The following ABR variants were observed in gnomAD, a reference collection of about 807,000 sequenced individuals.
ABR encodes active breakpoint cluster region-related protein.
A neutral mutation model predicts 107.2 loss-of-function variants in ABR; 35 were observed. The ratio of observed to expected loss-of-function variants is 0.33; its 90% confidence interval spans 0.25 to 0.43. The LOEUF is 0.43. Among genes scored for constraint, ABR ranks in the 20% least tolerant of loss-of-function variants. ABR has a pLI of 1.00. For synonymous variants in ABR, 498 were observed against 462.0 expected (o/e 1.08, Z -1.00); for missense variants, 815 against 1,115.2 (o/e 0.73, Z 3.83).
At chr17:1,183,475 A>G (rs2150662574), upstream of ABR, among the ~76,000 whole-genome samples, 1 of 152,134 alleles carries the variant, frequency 6.6e-6, no homozygotes, top group African/African-American at 2.4e-5. Flanking sequence ...GGTACATCCC[A>G]TTTTCAAGGC....
At position 1,214,849 on chromosome 17, in the gene ABR, T is replaced by A. The variant is rs559192865; in HGVS notation, c.838+13944A>T. Reference sequence around the variant, plus strand: ...GATTGTACATAGTTTTTCCCTGTAATGTGGCAGCTATCTCGGTGTATATAA... The same window carrying A: ...GATTGTACATAGTTTTTCCCTGTAAAGTGGCAGCTATCTCGGTGTATATAA... On this transcript the variant is annotated intron_variant, in intron 1 of 22. Coordinates refer to the ABR transcript ENST00000574139. Among the ~76,000 whole-genome samples the A allele has an allele frequency of 2.6e-5, 4 of 152,052 alleles. No individual in the cohort carries two copies. In the East Asian group the frequency reaches 5.8e-4, roughly 22 times the overall value.
intron 16 of ABR, among the ~76,000 whole-genome samples, chr17:1,017,087 G>C (rs1345983607): frequency 5.3e-5 from 8 of 152,060 alleles, no homozygotes; most frequent in African/African-American, 1.7e-4. Context: ...GGAGACAGAA[G>C]TTGGGTGTGT....
chr17:1,179,535 G>T lies in ABR; in HGVS notation c.61+132C>A. The T allele has an allele frequency of 2.1e-6, 2 of 940,918 alleles. No individual in the cohort carries two copies. The highest frequency in any genetic ancestry group is 2.9e-6 in the Non-Finnish European group (2 of 698,878). The allele number at this position is 940,918 out of a possible 1,614,324, so 58.3% of individuals were successfully genotyped here. A position where few individuals can be genotyped will look rare whatever the true frequency, so the allele number is the denominator to read the frequency against. The stretch of plus-strand genomic sequence containing the variant: ...GGACCCCGATCTCGCCCCCGCCCGC[G>T]CTCCCCGGACCAGCCCGGTGCCTGG... On this transcript the variant is annotated intron_variant, in intron 1 of 22. Transcript: ENST00000302538. The surrounding 1 kb of genome is among the most constrained non-coding windows in gnomAD (Gnocchi z 4.9).
chr17:1,025,114 C>T (rs1314886769), intron 16 of ABR, among the ~76,000 whole-genome samples: 4 of 34,112 alleles, frequency 1.2e-4, no homozygotes, highest in Admixed American at 4.8e-4. Flanking sequence ...AGCGAGACTC[C>T]GTCTCAAAAA....
chr17:1,135,069 G>T (rs1374942511), intron 1 of ABR, among the ~76,000 whole-genome samples: 1 of 152,226 alleles, frequency 6.6e-6, no homozygotes. Flanking sequence ...TGCCAGGCGG[G>T]TGGGGGACAG....
At chr17:1,193,304 C>G (rs543104884) in intron 1 of ABR, among the ~76,000 whole-genome samples, 7 of 150,292 alleles carry the variant, frequency 4.7e-5, no homozygotes, top group Non-Finnish European at 8.9e-5. Context: ...ATTCAGGACT[C>G]CCCCGCTCTC....
At chr17:1,098,317 T>C (rs2151327447) in intron 3 of ABR, among the ~76,000 whole-genome samples, 1 of 152,066 alleles carries the variant, frequency 6.6e-6, no homozygotes, top group Admixed American at 6.5e-5. Context: ...GACCTTGTGA[T>C]CCGCCCACCT....
intron 1 of ABR, among the ~76,000 whole-genome samples, chr17:1,130,686 A>C (rs2039786493): frequency 6.6e-6 from 1 of 152,192 alleles, no homozygotes; most frequent in Non-Finnish European, 1.5e-5. Context: ...GTAGATGTGA[A>C]TAAATGAAGG....
At chr17:1,182,469 G>A (rs1220643385), upstream of ABR, among the ~76,000 whole-genome samples, 3 of 152,166 alleles carry the variant, frequency 2.0e-5, no homozygotes, top group Non-Finnish European at 2.9e-5. Flanking sequence ...CCGGGTTCAC[G>A]CCATTCTCTT....
At chr17:1,162,626 G>A (rs2041347934) in intron 1 of ABR, among the ~76,000 whole-genome samples, 1 of 152,196 alleles carries the variant, frequency 6.6e-6, no homozygotes, top group African/African-American at 2.4e-5. Flanking sequence ...CCTGAGTGTG[G>A]CATCTGCTTC....
chr17:1,041,297 G>A (rs142842675), intron 16 of ABR, among the ~76,000 whole-genome samples: 180 of 152,318 alleles, frequency 1.2e-3, no homozygotes, highest in African/African-American at 4.0e-3. Flanking sequence ...GCCATTCAGA[G>A]GATGTATCGT....
chr17:1,047,986 G>GC (rs1567647907), intron 16 of ABR, among the ~76,000 whole-genome samples: 1 of 152,224 alleles, frequency 6.6e-6, no homozygotes, highest in Non-Finnish European at 1.5e-5. Flanking sequence ...GCCACCAGTG[G>GC]CCCAGGGAGT....
chr17:1,218,179 G>C (rs2043050473), intron 1 of ABR, among the ~76,000 whole-genome samples: 1 of 152,100 alleles, frequency 6.6e-6, no homozygotes, highest in African/African-American at 2.4e-5. Context: ...TTTAACCTTT[G>C]CAACACCAAG....
At chr17:1,172,941 A>G (rs546788497) in intron 1 of ABR, among the ~76,000 whole-genome samples, 4 of 100,070 alleles carry the variant, frequency 4.0e-5, no homozygotes, top group African/African-American at 1.1e-4. Context: ...AGAACAGAGC[A>G]GGTAATCCAC....
At chr17:1,028,059 C>T (rs917701743) in intron 16 of ABR, among the ~76,000 whole-genome samples, 11 of 152,028 alleles carry the variant, frequency 7.2e-5, no homozygotes, top group South Asian at 2.1e-4. Context: ...GGTTGTCCTG[C>T]GGTGGCGATC....
intron 21 of ABR, among the ~76,000 whole-genome samples, chr17:1,007,729 A>C (rs2070171138): frequency 6.6e-6 from 1 of 152,252 alleles, no homozygotes; most frequent in Non-Finnish European, 1.5e-5. Context: ...AGAGGGGTTA[A>C]GTGACTTGCC....
At chr17:1,164,271 G>T (rs2041415764) in intron 1 of ABR, among the ~76,000 whole-genome samples, 1 of 151,174 alleles carries the variant, frequency 6.6e-6, no homozygotes, top group African/African-American at 2.5e-5. Flanking sequence ...CTGGCAAAGT[G>T]TCACACACAG....
chr17:1,104,692 G>C (rs996747122), intron 2 of ABR, among the ~76,000 whole-genome samples: 5 of 152,220 alleles, frequency 3.3e-5, no homozygotes, highest in Non-Finnish European at 5.9e-5. Context: ...TAGAGGCATC[G>C]AGAGACCCTC....
intron 1 of ABR, among the ~76,000 whole-genome samples, chr17:1,207,665 A>AG (rs1455980933): frequency 6.6e-5 from 10 of 151,502 alleles, no homozygotes; most frequent in East Asian, 3.9e-4. Flanking sequence ...AAAAAAAAAA[A>AG]AGAGAAGTGG....
Sources: gnomAD v4.1 joint callset for allele counts (sites outside exome capture counted in the v4.1 genomes callset) on GRCh38, gnomAD v4.1.1 for gene constraint, Gnocchi (gnomAD v3.1) non-coding constraint, MANE v1.5 for transcripts, NCBI Gene and HGNC (gene_info 2026-07-23, HGNC 2026-07-21) for gene names.